Variants in GPC5 observed in about 807,000 individuals in gnomAD.
GPC5 encodes the protein glypican-5.
GPC5 carries 47 observed loss-of-function variants against 53.9 expected under a neutral mutation model. The ratio of observed to expected loss-of-function variants is 0.87; its 90% CI spans 0.69 to 1.11. GPC5 has a LOEUF of 1.11. Among genes scored for constraint, GPC5 ranks in the 50% most tolerant of loss-of-function variants. The pLI, the probability that GPC5 is intolerant of heterozygous loss-of-function variation, is 0.00. For synonymous variants in GPC5, 286 were observed against 263.3 expected, an observed-to-expected ratio of 1.09 and a Z score of -0.84; for missense variants, 748 against 713.1, an observed-to-expected ratio of 1.05 and a Z score of -0.56.
intron 5 of GPC5, among the ~76,000 whole-genome samples, chr13:91,842,403 T>G (rs1304818066): frequency 6.8e-6 from 1 of 148,028 alleles, no homozygotes; most frequent in East Asian, 2.0e-4. Context: ...GCAAACTAGA[T>G]GCTTAAGAAT....
intron 7 of GPC5, among the ~76,000 whole-genome samples, chr13:92,650,713 T>TA (rs1022213969): frequency 1.3e-5 from 2 of 152,064 alleles, no homozygotes; most frequent in African/African-American, 4.8e-5. Flanking sequence ...TTAATGGACT[T>TA]AAAAAAAGAC....
In GPC5 at chr13:92,638,788, G is replaced by T. The variant is rs527538383; in HGVS notation, c.1562-227494G>T. 9.2e-5 allele frequency among the ~76,000 whole-genome samples: 14 copies of T among 152,306 alleles called. No individual in the cohort carries two copies. In the South Asian group the frequency reaches 2.7e-3, roughly 29 times the overall value. On this transcript the variant is annotated intron_variant, in intron 7 of 7. Transcript: ENST00000377067. ...AAGGGGCAGAGTACTCGTCAACTCA[G>T]GGGAAGGAGGAGTCAGCAGAGAAAG...
intron 7 of GPC5, among the ~76,000 whole-genome samples, chr13:92,433,374 G>A (rs1053722724): frequency 1.3e-5 from 2 of 152,186 alleles, no homozygotes; most frequent in Admixed American, 1.3e-4. Flanking sequence ...TCACCTATGA[G>A]TGGAACGGTG....
intron 6 of GPC5, chr13:91,995,614 T>A (rs565332643): frequency 4.6e-5 from 7 of 152,186 alleles, no homozygotes; most frequent in Non-Finnish European, 1.0e-4. Context: ...AAATAATGCC[T>A]CGAATATAGT....
intron 6 of GPC5, among the ~76,000 whole-genome samples, chr13:92,027,088 C>A (rs1478440030): frequency 6.6e-6 from 1 of 152,100 alleles, no homozygotes; most frequent in Admixed American, 6.6e-5. Flanking sequence ...TAAAACAAGT[C>A]TTTGTTGAAA....
chr13:92,277,259 G>T (rs2042882679), intron 7 of GPC5, among the ~76,000 whole-genome samples: 1 of 151,994 alleles, frequency 6.6e-6, no homozygotes, highest in Non-Finnish European at 1.5e-5. Context: ...GAGAAGCAGA[G>T]AAGAAGGGAA....
chr13:91,906,703 G>T (rs375316886), intron 5 of GPC5, among the ~76,000 whole-genome samples: 57 of 152,012 alleles, frequency 3.7e-4, no homozygotes, highest in African/African-American at 1.4e-3. Flanking sequence ...AGACATCTTT[G>T]TGACTAATGA....
At chr13:92,042,281 C>T (rs1428970207) in intron 6 of GPC5, among the ~76,000 whole-genome samples, 1 of 152,142 alleles carries the variant, frequency 6.6e-6, no homozygotes, top group African/African-American at 2.4e-5. Flanking sequence ...AACCATCAAG[C>T]TACTAGCTAC....
chr13:92,300,603 G>A (rs2062379941), intron 7 of GPC5, among the ~76,000 whole-genome samples: 1 of 152,190 alleles, frequency 6.6e-6, no homozygotes, highest in South Asian at 2.1e-4. Context: ...AGGCAGTGGT[G>A]AGAATTAGAT....
At chr13:92,159,681 C>A (rs1030942601) in intron 7 of GPC5, among the ~76,000 whole-genome samples, 2 of 139,780 alleles carry the variant, frequency 1.4e-5, no homozygotes, top group East Asian at 2.2e-4. Flanking sequence ...CAGTTCACTG[C>A]AAGCTCCGCC....
At chr13:91,982,021 C>T (rs922198572) in intron 6 of GPC5, among the ~76,000 whole-genome samples, 12 of 152,130 alleles carry the variant, frequency 7.9e-5, no homozygotes, top group Non-Finnish European at 1.8e-4. Context: ...GAAGGTTCCT[C>T]GCTTGCTGTG....
chr13:92,475,977 G>A (rs1467956488), intron 7 of GPC5, among the ~76,000 whole-genome samples: 3 of 152,028 alleles, frequency 2.0e-5, no homozygotes, highest in African/African-American at 7.3e-5. Flanking sequence ...CAGGACATAG[G>A]CATGGGCAAG....
chr13:92,709,778 AC>A (rs1888073985), intron 7 of GPC5, among the ~76,000 whole-genome samples: 1 of 152,206 alleles, frequency 6.6e-6, no homozygotes. Flanking sequence ...AGAGATGTAT[AC>A]TTCTTTCTAA....
At chr13:92,454,283 T>A (rs541099208) in intron 7 of GPC5, among the ~76,000 whole-genome samples, 1 of 152,362 alleles carries the variant, frequency 6.6e-6, no homozygotes, top group African/African-American at 2.4e-5. Context: ...CTTGTCTTTA[T>A]CAAAAATTGA....
At chr13:91,522,655 C>A (rs1885881175) in intron 2 of GPC5, among the ~76,000 whole-genome samples, 1 of 151,934 alleles carries the variant, frequency 6.6e-6, no homozygotes, top group South Asian at 2.1e-4. Flanking sequence ...CTAATGCTAT[C>A]CCTCACCCTA....
At position 92,316,058 on chromosome 13, in the gene GPC5, G is replaced by A. The variant is rs192053823; in HGVS notation, c.1561+171069G>A. Among the ~76,000 whole-genome samples the A allele has an allele frequency of 5.9e-5, 9 of 152,132 alleles. No homozygotes were observed. In the East Asian group the frequency reaches 1.7e-3, roughly 29 times the overall value. On this transcript the variant is annotated intron_variant, in intron 7 of 7. Transcript: ENST00000377067. Reference sequence around the variant, plus strand: ...CAGGTCAGATAGAATTCGATCAGAGGGTTTTTACTGTAATTAAAATCTTTC... The same window carrying A: ...CAGGTCAGATAGAATTCGATCAGAGAGTTTTTACTGTAATTAAAATCTTTC...
chr13:92,015,286 T>C (rs1488497060), intron 6 of GPC5, among the ~76,000 whole-genome samples: 6 of 152,164 alleles, frequency 3.9e-5, no homozygotes, highest in African/African-American at 1.4e-4. Context: ...CTGTCTTAGA[T>C]TGAGAAAACA....
At chr13:91,578,673 C>CAT (rs3055891) in intron 2 of GPC5, among the ~76,000 whole-genome samples, 64 of 149,600 alleles carry the variant, frequency 4.3e-4, no homozygotes, top group East Asian at 2.0e-3. Context: ...ATTTTTGATT[C>CAT]ATATATATAT....
At chr13:91,453,346 A>G (rs947985840) in intron 2 of GPC5, among the ~76,000 whole-genome samples, 8 of 151,996 alleles carry the variant, frequency 5.3e-5, no homozygotes, top group African/African-American at 1.7e-4. Flanking sequence ...TAGCTATCGT[A>G]TAGCTGCTAC....
Sources: gnomAD v4.1 joint callset for allele counts (sites outside exome capture counted in the v4.1 genomes callset) on GRCh38, gnomAD v4.1.1 for gene constraint, MANE v1.5 for transcripts, NCBI Gene and HGNC (gene_info 2026-07-23, HGNC 2026-07-21) for gene names.